The following PHF14 variants were observed in gnomAD, a reference collection of about 807,000 sequenced individuals.
PHF14 encodes the protein PHD finger protein 14.
A neutral mutation model predicts 117.9 loss-of-function variants in PHF14; 55 were observed. That is an observed-to-expected ratio of 0.47 (90% CI 0.38 to 0.58). The LOEUF (loss-of-function observed/expected upper bound fraction) is 0.58. PHF14 is among the 20% of genes least tolerant of loss of function. The probability of loss-of-function intolerance (pLI) is 0.00; values close to 1 mark genes in which losing one functional copy is unlikely to be tolerated. For missense variants in PHF14, 978 were observed against 1,122.2 expected (o/e 0.87, Z 1.84); for synonymous variants, 409 against 368.6 (o/e 1.11, Z -1.26).
At chr7:11,126,628 C>T (rs1211329004) in intron 17 of PHF14, among the ~76,000 whole-genome samples, 1 of 151,910 alleles carries the variant, frequency 6.6e-6, no homozygotes, top group African/African-American at 2.4e-5. Context: ...CTTCACATTT[C>T]CAAGCAGTAT....
At chr7:11,046,545 A>G (rs886328637) in intron 13 of PHF14, among the ~76,000 whole-genome samples, 1 of 151,970 alleles carries the variant, frequency 6.6e-6, no homozygotes, top group Non-Finnish European at 1.5e-5. Flanking sequence ...ACATTTTTTT[A>G]TTGCCTCTTC....
chr7:11,035,797 C>A lies in PHF14; in HGVS notation c.1602+11C>A. The A allele has an allele frequency of 6.4e-7, 1 of 1,565,814 alleles. No homozygotes were observed. The highest frequency in any genetic ancestry group is 8.7e-7 in the Non-Finnish European group (1 of 1,153,652). Reference sequence around the variant, plus strand: ...TCACCAGAAGCACAGGTATGGGATTCATGTCAAAACCCGTATGTTTTTGTT... The same window carrying A: ...TCACCAGAAGCACAGGTATGGGATTAATGTCAAAACCCGTATGTTTTTGTT... On this transcript the variant is annotated intron_variant, in intron 8 of 17. Coordinates refer to ENST00000634607, the MANE Select transcript of PHF14 (RefSeq NM_001007157.2).
At chr7:11,064,675 A>G (rs1785364172) in intron 16 of PHF14, among the ~76,000 whole-genome samples, 1 of 151,992 alleles carries the variant, frequency 6.6e-6, no homozygotes, top group Non-Finnish European at 1.5e-5. Context: ...GTATGTGTTT[A>G]CTTGTGAATT....
chr7:11,112,131 T>C lies in PHF14; in HGVS notation c.2772+664T>C, dbSNP rs537784627. Reference sequence around the variant, plus strand: ...AGTAAGTAAATAGCCAGACTCCTAATGTTTTGACTGATTTGGCAGAAATAC... The same window carrying C: ...AGTAAGTAAATAGCCAGACTCCTAACGTTTTGACTGATTTGGCAGAAATAC... On this transcript the variant is annotated intron_variant, in intron 17 of 17. Coordinates refer to ENST00000634607, the MANE Select transcript of PHF14 (RefSeq NM_001007157.2). Among the ~76,000 whole-genome samples the C allele has an allele frequency of 5.9e-5, 9 of 152,298 alleles. 1 individual carries two copies. The South Asian group carries it at 1.9e-3, about 32-fold the overall frequency.
intron 17 of PHF14, among the ~76,000 whole-genome samples, chr7:11,159,531 G>GA (rs1281739882): frequency 6.6e-6 from 1 of 151,860 alleles, no homozygotes; most frequent in Non-Finnish European, 1.5e-5. Flanking sequence ...AATTTTCAAA[G>GA]AAAATATTCA....
chr7:11,010,705 C>CT (rs1395096020), intron 4 of PHF14, among the ~76,000 whole-genome samples: 1 of 152,016 alleles, frequency 6.6e-6, no homozygotes, highest in Non-Finnish European at 1.5e-5. Context: ...AGATTTTGCT[C>CT]TGTTGCCCAG....
chr7:10,991,617 C>A (rs1782455409), intron 4 of PHF14, among the ~76,000 whole-genome samples: 1 of 151,654 alleles, frequency 6.6e-6, no homozygotes, highest in African/African-American at 2.4e-5. Flanking sequence ...GTCCCCCAGT[C>A]ATCTTAATTA....
chr7:11,038,161 C>A (rs1784372149), intron 10 of PHF14, among the ~76,000 whole-genome samples: 2 of 152,052 alleles, frequency 1.3e-5, no homozygotes, highest in Admixed American at 1.3e-4. Context: ...TGCCTGTAAT[C>A]CCAGCACTTT....
intron 17 of PHF14, among the ~76,000 whole-genome samples, chr7:11,114,693 A>T (rs1031522254): frequency 6.6e-6 from 1 of 152,130 alleles, no homozygotes; most frequent in Admixed American, 6.6e-5. Context: ...CATAAAAAAT[A>T]GTCAGTTACA....
chr7:11,089,123 G>A (rs1033496098), intron 16 of PHF14, among the ~76,000 whole-genome samples: 5 of 150,832 alleles, frequency 3.3e-5, no homozygotes, highest in African/African-American at 1.2e-4. Context: ...GCCCTGATCA[G>A]TTAACCGCAG....
intron 5 of PHF14, among the ~76,000 whole-genome samples, chr7:11,016,154 A>G (rs547940142): frequency 2.8e-4 from 43 of 152,182 alleles, no homozygotes; most frequent in African/African-American, 9.9e-4. Context: ...TGATGGTGCA[A>G]TCTGGCAAAA....
At chr7:11,145,136 T>TA (rs138703912) in intron 17 of PHF14, among the ~76,000 whole-genome samples, 3,758 of 151,006 alleles carry the variant, frequency 0.025, 113 homozygotes, top group East Asian at 0.13. Flanking sequence ...TAAAAATGAT[T>TA]AAAAAAAAAC....
At chr7:11,046,102 G>T (rs921286369) in intron 13 of PHF14, among the ~76,000 whole-genome samples, 17 of 151,964 alleles carry the variant, frequency 1.1e-4, no homozygotes, top group African/African-American at 3.9e-4. Flanking sequence ...TGTGATCTAG[G>T]TTCTATTTTG....
intron 14 of PHF14, among the ~76,000 whole-genome samples, chr7:11,053,650 T>G (rs903652994): frequency 2.0e-5 from 3 of 152,110 alleles, no homozygotes; most frequent in African/African-American, 2.4e-5. Flanking sequence ...TTGACTAGTA[T>G]TATCATCCTT....
intron 16 of PHF14, among the ~76,000 whole-genome samples, chr7:11,075,570 T>C: frequency 1.5e-5 from 1 of 64,674 alleles, no homozygotes; most frequent in East Asian, 2.9e-3. Flanking sequence ...AGAGGTTTTT[T>C]TTTTTTTTTT....
intron 5 of PHF14, among the ~76,000 whole-genome samples, chr7:11,016,006 A>G (rs1424790899): frequency 1.3e-5 from 2 of 152,116 alleles, no homozygotes; most frequent in African/African-American, 4.8e-5. Context: ...AGTAGTGGTT[A>G]CTTCATGCTA....
rs1353648633 is a variant in PHF14 at position 11,028,719 on chromosome 7, T to C, written c.1356T>C (p.Thr452=). 6.2e-7 allele frequency: 1 copy of C among 1,613,640 alleles called. No homozygotes were observed. Among genetic ancestry groups the C allele is most frequent in the East Asian group, 2.2e-5 (1 of 44,878 alleles). ...GTGAAGACCCTCGCTTTGCTAGAAC[T>C]GGGGTTTGCATTAGCTGTGATGCAG... ...SFCEDPRFAR[T]GVCISCDAGM... is the part of the protein sequence containing the mutation. The change falls in exon 7 of 18, where the codon ACT becomes ACC. Residue 452 remains threonine (T), a synonymous_variant. Coordinates refer to ENST00000634607, the MANE Select transcript of PHF14 (RefSeq NM_001007157.2).
chr7:11,130,868 C>A lies in PHF14; in HGVS notation c.2772+19401C>A, dbSNP rs1405285436. Among the ~76,000 whole-genome samples the A allele has an allele frequency of 6.6e-6, 1 of 151,910 alleles. No homozygotes were observed. The highest frequency in any genetic ancestry group is 3.2e-3 in the Middle Eastern group (1 of 316). On this transcript the variant is annotated intron_variant, in intron 17 of 17. Transcript: ENST00000634607. This position sits in a 1 kb window ranked among gnomAD's most constrained non-coding sequence, Gnocchi z 4.2. ...CATCAAACCACTGGCAACCACAGAT[C>A]CTTTTGCTGTCTCCATAGTTTTGCC...
At chr7:11,152,327 A>G (rs889641552) in intron 17 of PHF14, among the ~76,000 whole-genome samples, 2 of 152,152 alleles carry the variant, frequency 1.3e-5, no homozygotes, top group Non-Finnish European at 2.9e-5. Context: ...ATATTTTTGG[A>G]TATGTGACCA....
Sources: allele counts gnomAD v4.1 joint callset (sites outside exome capture counted in the v4.1 genomes callset), GRCh38; gene constraint gnomAD v4.1.1; non-coding constraint Gnocchi (gnomAD v3.1); transcripts MANE v1.5; gene names NCBI Gene and HGNC (gene_info 2026-07-23, HGNC 2026-07-21).